The following NECAB2 variants were observed in gnomAD, a reference collection of about 807,000 sequenced individuals.
The protein encoded by NECAB2 is N-terminal EF-hand calcium-binding protein 2.
A neutral mutation model predicts 51.9 loss-of-function variants in NECAB2; 68 were observed. The ratio of observed to expected loss-of-function variants is 1.31; its 90% CI spans 1.08 to 1.60. The LOEUF (loss-of-function observed/expected upper bound fraction) is 1.60, where lower values mean the gene tolerates loss of function less well. Ranked by LOEUF, NECAB2 falls within the 40% of genes most tolerant of loss-of-function variation. The pLI, the probability that NECAB2 is intolerant of heterozygous loss-of-function variation, is 0.00. For synonymous variants in NECAB2, 329 were observed against 203.5 expected (o/e 1.62, Z -5.25); for missense variants, 854 against 490.3 (o/e 1.74, Z -7.00).
At chr16:83,997,943 G>C (rs1385323905) in intron 9 of NECAB2, among the ~76,000 whole-genome samples, 1 of 152,178 alleles carries the variant, frequency 6.6e-6, no homozygotes, top group Non-Finnish European at 1.5e-5. Flanking sequence ...TGTGCAGGTG[G>C]TTGTGGACAT....
Position 84,000,669 on chromosome 16 carries a change from T to C in NECAB2, c.963-55T>C, listed in dbSNP as rs1282132964. The C allele has an allele frequency of 1.6e-5, 24 of 1,527,854 alleles. No homozygotes were observed. In the South Asian group the frequency reaches 2.6e-4, roughly 17 times the overall value. The allele number at this position is 1,527,854 out of a possible 1,614,324, so 94.6% of individuals were successfully genotyped here. On this transcript the variant is annotated intron_variant, in intron 10 of 12. Coordinates refer to ENST00000305202, the MANE Select transcript of NECAB2 (RefSeq NM_019065.3). ...TCAGGCCACCCCAGGGGAACAGCAC[T>C]GAGGTGGCCTTGGTTGAGCTCCAGC...
intron 2 of NECAB2, among the ~76,000 whole-genome samples, chr16:83,973,015 C>T (rs1303439209): frequency 6.6e-6 from 1 of 152,254 alleles, no homozygotes; most frequent in Non-Finnish European, 1.5e-5. Context: ...GGCAATAACA[C>T]TTGCCCTGCC....
chr16:83,995,072 A>AGACGT, intron 8 of NECAB2, among the ~76,000 whole-genome samples: 1 of 152,288 alleles, frequency 6.6e-6, no homozygotes, highest in East Asian at 1.9e-4. Flanking sequence ...GATGAAAGAG[A>AGACGT]GACGTGATGA....
At position 83,972,161 on chromosome 16, in the gene NECAB2, G is replaced by C. The variant is rs773422338; in HGVS notation, c.212G>C (p.Arg71Pro). The change falls in exon 2 of 13, where the codon CGT becomes CCT. Residue 71 changes from arginine (R) to proline (P), a missense_variant. Physicochemically the swap from Arg to Pro is moderately radical, Grantham distance 103. Coordinates refer to ENST00000305202, the MANE Select transcript of NECAB2 (RefSeq NM_019065.3). ...GTAVILDIFR[R>P]ADKNDDGKLS... ...CTCTCTTTTCTGCAGATTTTCCGCC[G>C]TGCGGACAAAAATGGTGAGTTTCCC... The C allele has an allele frequency of 3.7e-6, 6 of 1,613,340 alleles. No individual in the cohort carries two copies. Among genetic ancestry groups the C allele is most frequent in the Admixed American group, 1.7e-5 (1 of 60,002 alleles).
At chr16:83,992,377 T>TCCCCCCCCC (rs60014664) in intron 6 of NECAB2, among the ~76,000 whole-genome samples, 58 of 133,078 alleles carry the variant, frequency 4.4e-4, no homozygotes, top group African/African-American at 1.1e-3. Context: ...CGAGCACCCG[T>TCCCCCCCCC]CCCCCCGCCC....
chr16:83,969,334 C>G (rs2084323759), intron 1 of NECAB2, among the ~76,000 whole-genome samples: 1 of 152,110 alleles, frequency 6.6e-6, no homozygotes, highest in Admixed American at 6.5e-5. Flanking sequence ...CCGTTCATCT[C>G]ACGCTCAAAG....
At chr16:83,993,747 G>C (rs916283566) in intron 6 of NECAB2, 6 of 161,056 alleles carry the variant, frequency 3.7e-5, no homozygotes, top group African/African-American at 1.4e-4. Context: ...CAGGAGAGGG[G>C]TGTCCAGGGC....
At chr16:83,976,984 C>T (rs928034439) in intron 2 of NECAB2, among the ~76,000 whole-genome samples, 9 of 152,224 alleles carry the variant, frequency 5.9e-5, no homozygotes, top group East Asian at 1.9e-4. Flanking sequence ...GCAGGTTGTG[C>T]GCTGCACAAG....
At position 83,990,542 on chromosome 16, in the gene NECAB2, C is replaced by T. The variant is rs758790163; in HGVS notation, c.508C>T (p.Leu170=). ...NVDQFVTRFL[L]KETANQIQSL... ...GGACCAGTTTGTGACCCGCTTCCTC[C>T]TGAAGGAGACGGCCAATCAGATCCA... Residue 170 remains leucine (L), a synonymous_variant, in exon 6 of 13, where the codon CTG becomes TTG. Transcript: ENST00000305202. 5.0e-6 allele frequency: 8 copies of T among 1,614,166 alleles called. No homozygotes were observed. The South Asian group carries it at 7.7e-5, about 16-fold the overall frequency.
chr16:84,002,199 CTGTGTGTCACACAAGGACT>C (rs894065311), intron 12 of NECAB2, 100 bp from the exon 13 acceptor site: 1 of 1,283,222 alleles, frequency 7.8e-7, no homozygotes, highest in Non-Finnish European at 1.1e-6. Context: ...CAGCAAGGAC[CTGTGTGTCACACAAGGACT>C]CAAAGCCATC....
chr16:83,972,446 G>C (rs1485697684), intron 2 of NECAB2, among the ~76,000 whole-genome samples: 2 of 152,246 alleles, frequency 1.3e-5, no homozygotes, highest in Admixed American at 6.5e-5. Flanking sequence ...ATGACTGGCC[G>C]TGGTAAGGGC....
chr16:83,967,916 G>A (rs978909111), upstream of NECAB2, among the ~76,000 whole-genome samples: 4 of 150,660 alleles, frequency 2.7e-5, no homozygotes, highest in African/African-American at 9.8e-5. Flanking sequence ...TCGGCCGGCC[G>A]GATGGATGGA....
At chr16:83,973,009 A>G (rs1283703260) in intron 2 of NECAB2, among the ~76,000 whole-genome samples, 2 of 152,232 alleles carry the variant, frequency 1.3e-5, no homozygotes, top group African/African-American at 4.8e-5. Context: ...AAGTGGGGCA[A>G]TAACACTTGC....
At chr16:84,000,839 G>GC in intron 11 of NECAB2, 38 bp downstream of exon 11, 1 of 1,396,790 alleles carries the variant, frequency 7.2e-7, no homozygotes. Context: ...GAGGGAGACA[G>GC]AGGGAAGTGG....
chr16:83,982,802 C>T (rs1261632058), intron 5 of NECAB2, among the ~76,000 whole-genome samples: 1 of 151,896 alleles, frequency 6.6e-6, no homozygotes, highest in African/African-American at 2.4e-5. Context: ...TTTTTTGTGG[C>T]AGTCGTGGTG....
chr16:83,984,060 G>GTGA (rs2084521429), intron 5 of NECAB2, among the ~76,000 whole-genome samples: 1 of 146,198 alleles, frequency 6.8e-6, no homozygotes, highest in African/African-American at 2.5e-5. Flanking sequence ...CAGTGGCACA[G>GTGA]TCCCAGCTCA....
At position 83,997,248 on chromosome 16, in the gene NECAB2, A is replaced by T; in HGVS notation, c.828A>T (p.Ser276=). 1.2e-6 allele frequency: 2 copies of T among 1,614,158 alleles called. No homozygotes were observed. Among genetic ancestry groups the T allele is most frequent in the South Asian group, 1.1e-5 (1 of 91,086 alleles). ...GGTTCGACCTGCAGCAGCGCCTGTCAGATGAAGATGGCACCAACATGGTGA... is the reference window on the plus strand; with the variant it reads ...GGTTCGACCTGCAGCAGCGCCTGTCTGATGAAGATGGCACCAACATGGTGA... ...ALWFDLQQRL[S]DEDGTNMHLQ... Residue 276 remains serine (S), a synonymous_variant, in exon 9 of 13, where the codon TCA becomes TCT. Transcript: ENST00000305202.
chr16:83,992,299 G>A (rs949667100), intron 6 of NECAB2, among the ~76,000 whole-genome samples: 2 of 151,990 alleles, frequency 1.3e-5, no homozygotes, highest in African/African-American at 4.8e-5. Flanking sequence ...GCTGTGTTAG[G>A]GGTGTGACCT....
chr16:84,000,797 A>G lies in NECAB2; in HGVS notation c.1036A>G (p.Lys346Glu), dbSNP rs1157940694. The G allele has an allele frequency of 2.0e-5, 32 of 1,613,396 alleles. No homozygotes were observed. The highest frequency in any genetic ancestry group is 2.5e-5 in the Non-Finnish European group (30 of 1,179,914). ...GTTCTGGGAGACAGAGGAGGCGTGG[A>G]AGAGGTGAGATGCTGGGTCCCCACA... is the stretch of plus-strand genomic sequence containing the variant. Reference protein sequence around the residue: ...YEFWETEEAWKRHLQSPLCKA... With the variant: ...YEFWETEEAWERHLQSPLCKA... The change falls in exon 11 of 13, where the codon AAG (lysine) becomes GAG (glutamate). Residue 346 changes from lysine to glutamate, a missense_variant. Physicochemically the swap from Lys to Glu is moderately conservative, Grantham distance 56 (BLOSUM62 1). Transcript: ENST00000305202.
Sources: allele counts gnomAD v4.1 joint callset (sites outside exome capture counted in the v4.1 genomes callset), GRCh38; gene constraint gnomAD v4.1.1; transcripts MANE v1.5; gene names NCBI Gene and HGNC (gene_info 2026-07-23, HGNC 2026-07-21).